The following LRBA variants were observed in gnomAD, a reference collection of about 807,000 sequenced individuals.
LRBA encodes LPS responsive beige-like anchor protein.
LRBA carries 176 observed loss-of-function variants against 330.0 expected under a neutral mutation model. The observed-to-expected ratio is 0.53, with a 90% CI of 0.47 to 0.60. The LOEUF (loss-of-function observed/expected upper bound fraction) is 0.60, where lower values mean the gene tolerates loss of function less well. Among genes scored for constraint, LRBA ranks in the 20% least tolerant of loss-of-function variants. The pLI is 0.00. For synonymous variants in LRBA, 1,230 were observed against 1,193.0 expected, an observed-to-expected ratio of 1.03 and a Z score of -0.64; for missense variants, 3,259 against 3,444.8, an observed-to-expected ratio of 0.95 and a Z score of 1.35.
At chr4:150,838,869 C>G (rs1293035933) in intron 28 of LRBA, among the ~76,000 whole-genome samples, 1 of 151,958 alleles carries the variant, frequency 6.6e-6, no homozygotes, top group Non-Finnish European at 1.5e-5. Flanking sequence ...GAGAGGTGCT[C>G]TGATTTTTTG....
At chr4:150,301,392 C>T (rs1729655052) in intron 53 of LRBA, among the ~76,000 whole-genome samples, 1 of 152,010 alleles carries the variant, frequency 6.6e-6, no homozygotes, top group Non-Finnish European at 1.5e-5. Flanking sequence ...GCATCACAGG[C>T]TTAACATTAT....
chr4:150,808,395 C>A lies in LRBA; in HGVS notation c.5309G>T (p.Ser1770Ile). The A allele has an allele frequency of 1.3e-6, 2 of 1,583,878 alleles. No individual in the cohort carries two copies. The highest frequency in any genetic ancestry group is 1.3e-5 in the African/African-American group (1 of 74,420). The change falls in exon 32 of 57, where the codon AGT becomes ATT. Residue 1770 changes from serine (S) to isoleucine (I), a missense_variant. Coordinates refer to ENST00000651943, the MANE Select transcript of LRBA (RefSeq NM_001364905.1). Reference protein sequence around the residue: ...ASDMGGESPGSRSSNAKLPSV... With the variant: ...ASDMGGESPGIRSSNAKLPSV... ...GGGCAATTTTGCATTAGATGATCTA[C>A]TGCCTATAAAAGAAAAATAACCATC...
In LRBA at chr4:150,798,105, T is replaced by A. The variant is rs765198381; in HGVS notation, c.5556A>T (p.Glu1852Asp). The A allele has an allele frequency of 6.2e-7, 1 of 1,609,514 alleles. No homozygotes were observed. Among genetic ancestry groups the A allele is most frequent in the Non-Finnish European group, 8.5e-7 (1 of 1,176,014 alleles). The change falls in exon 34 of 57, where the codon GAA becomes GAT. Residue 1852 changes from glutamate (E) to aspartate (D), a missense_variant. Transcript: ENST00000651943. ...CCTGAGAACACAGTAGCATAACCAA[T>A]TCCACAACTGAACTACTCGACTTCA... ...VCMKSSSSVV[E>D]LVMLLCSQEW...
rs1770402469 is a variant in LRBA at position 150,575,290 on chromosome 4, C to G, written c.6330+12758G>C. Among the ~76,000 whole-genome samples, 3 of 151,884 alleles carry G rather than the reference C, an allele frequency of 2.0e-5. No individual in the cohort carries two copies. In the South Asian group the frequency reaches 6.2e-4, roughly 32 times the overall value. ...GAAGCATTTTGTTGTTGTTGTTTAA[C>G]CACTACAAGCAATCAGAGAAACCTC... On this transcript the variant is annotated intron_variant, in intron 40 of 56. Transcript: ENST00000651943.
intron 50 of LRBA, among the ~76,000 whole-genome samples, chr4:150,317,906 G>T (rs145620652): frequency 6.6e-6 from 1 of 152,082 alleles, no homozygotes; most frequent in South Asian, 2.1e-4. Context: ...AAAAAAACGC[G>T]ATTTCATATG....
rs182927819 is a variant in LRBA at position 150,713,573 on chromosome 4, T to C, written c.5754+21685A>G. Among the ~76,000 whole-genome samples the C allele has an allele frequency of 2.7e-4, 41 of 152,298 alleles. 1 individual carries two copies. Among genetic ancestry groups the C allele is most frequent in the African/African-American group, 9.1e-4 (38 of 41,584 alleles). On this transcript the variant is annotated intron_variant, in intron 36 of 56. Coordinates refer to ENST00000651943, the MANE Select transcript of LRBA (RefSeq NM_001364905.1). ...GTAACTGTAACGTGGCAAAGTATAA[T>C]GAAACCTATTCTTTTAAATTTGTGT...
At chr4:150,613,612 T>C (rs1775475972) in intron 37 of LRBA, among the ~76,000 whole-genome samples, 1 of 152,178 alleles carries the variant, frequency 6.6e-6, no homozygotes, top group African/African-American at 2.4e-5. Flanking sequence ...TTAAAACCTA[T>C]GTGTGATTTT....
chr4:150,474,327 T>A (rs891277941), intron 42 of LRBA, among the ~76,000 whole-genome samples: 2 of 152,214 alleles, frequency 1.3e-5, no homozygotes, highest in Non-Finnish European at 2.9e-5. Context: ...CTTTAATTTA[T>A]ATGCCGATCT....
chr4:150,826,322 G>C (rs1018886378), intron 30 of LRBA, among the ~76,000 whole-genome samples: 16 of 152,202 alleles, frequency 1.1e-4, no homozygotes, highest in African/African-American at 3.4e-4. Context: ...TATTTGGGAT[G>C]GGGGGGAAGC....
At chr4:150,699,077 G>T (rs1286642580) in intron 36 of LRBA, among the ~76,000 whole-genome samples, 1 of 152,090 alleles carries the variant, frequency 6.6e-6, no homozygotes, top group Non-Finnish European at 1.5e-5. Context: ...TCAACCTGAG[G>T]CAGGAAAAAA....
chr4:150,979,249 C>A (rs1000387632), intron 2 of LRBA, among the ~76,000 whole-genome samples: 1 of 151,982 alleles, frequency 6.6e-6, no homozygotes. Context: ...ATTTAAGGTG[C>A]AGACGGAAAA....
intron 33 of LRBA, among the ~76,000 whole-genome samples, chr4:150,799,263 GA>G (rs1741238294): frequency 6.6e-6 from 1 of 152,186 alleles, no homozygotes. Flanking sequence ...GCACTGGCAA[GA>G]AAATTAGCTA....
intron 2 of LRBA, among the ~76,000 whole-genome samples, chr4:150,991,310 T>C (rs546346461): frequency 2.0e-5 from 3 of 152,248 alleles, no homozygotes; most frequent in Admixed American, 2.0e-4. Context: ...TCTTATGAAG[T>C]TAAACATACA....
intron 33 of LRBA, among the ~76,000 whole-genome samples, chr4:150,803,786 A>G (rs191905372): frequency 1.7e-4 from 26 of 152,260 alleles, no homozygotes; most frequent in African/African-American, 6.3e-4. Context: ...GCACTGCTCA[A>G]ATTTATACAT....
intron 22 of LRBA, among the ~76,000 whole-genome samples, chr4:150,856,490 C>A (rs1751246363): frequency 6.6e-6 from 1 of 152,110 alleles, no homozygotes; most frequent in Non-Finnish European, 1.5e-5. Context: ...GATCTCAAAT[C>A]CTGAAAAGGT....
chr4:150,713,074 C>T (rs1786394310), intron 36 of LRBA, among the ~76,000 whole-genome samples: 1 of 151,954 alleles, frequency 6.6e-6, no homozygotes, highest in Non-Finnish European at 1.5e-5. Context: ...GCAGCCAAGA[C>T]TACAGGCATG....
At chr4:150,786,959 T>C (rs1739156093) in intron 34 of LRBA, among the ~76,000 whole-genome samples, 1 of 152,142 alleles carries the variant, frequency 6.6e-6, no homozygotes, top group Non-Finnish European at 1.5e-5. Flanking sequence ...CGGCCAGGTG[T>C]GGTGGCTGAC....
rs140244998 is a variant in LRBA at position 150,283,437 on chromosome 4, T to C, written c.8120-791A>G. ...CAAAGAAGGAATAAGGAACAAAAAT[T>C]GCTTGTGTGATGAGCAAGTTCCAAG... On this transcript the variant is annotated intron_variant, in intron 54 of 56. Coordinates refer to ENST00000651943, the MANE Select transcript of LRBA (RefSeq NM_001364905.1). Among the ~76,000 whole-genome samples, 4 of 152,274 alleles carry C rather than the reference T, an allele frequency of 2.6e-5. No homozygotes were observed. In the East Asian group the frequency reaches 7.7e-4, roughly 29 times the overall value.
chr4:150,959,426 T>C (rs1280584159), intron 2 of LRBA, among the ~76,000 whole-genome samples: 2 of 148,954 alleles, frequency 1.3e-5, no homozygotes, highest in African/African-American at 2.6e-5. Context: ...GAACTAGAAA[T>C]GAAAATATGA....
Sources: allele counts gnomAD v4.1 joint callset (sites outside exome capture counted in the v4.1 genomes callset), GRCh38; gene constraint gnomAD v4.1.1; transcripts MANE v1.5; gene names NCBI Gene and HGNC (gene_info 2026-07-23, HGNC 2026-07-21).